Variants in EXT1 observed in about 807,000 individuals in gnomAD.
EXT1 encodes exostosin-1.
Under a neutral mutation model 82.5 loss-of-function variants are expected in EXT1, and 20 were observed. The observed-to-expected ratio is 0.24, with a 90% CI of 0.17 to 0.35. The LOEUF is 0.35. EXT1 is among the 10% of genes least tolerant of loss of function. The pLI, the probability that EXT1 is intolerant of heterozygous loss-of-function variation, is 1.00. For missense variants in EXT1, 757 were observed against 936.5 expected, an observed-to-expected ratio of 0.81 and a Z score of 2.50; for synonymous variants, 348 against 350.8, an observed-to-expected ratio of 0.99 and a Z score of 0.09.
chr8:118,022,093 C>T (rs1816113157), intron 1 of EXT1, among the ~76,000 whole-genome samples: 1 of 152,032 alleles, frequency 6.6e-6, no homozygotes, highest in Non-Finnish European at 1.5e-5. Flanking sequence ...AAGCATTTTC[C>T]TTCATTTCAG....
At chr8:117,815,120 C>G (rs983211472) in intron 7 of EXT1, among the ~76,000 whole-genome samples, 1 of 152,200 alleles carries the variant, frequency 6.6e-6, no homozygotes, top group African/African-American at 2.4e-5. Context: ...AATTCTCAGC[C>G]TGAAGCAATC....
chr8:117,828,859 T>A (rs1291589646), intron 4 of EXT1, among the ~76,000 whole-genome samples: 1 of 151,770 alleles, frequency 6.6e-6, no homozygotes, highest in Non-Finnish European at 1.5e-5. Context: ...CGCCCTAGGG[T>A]GGGAGCAGGA....
chr8:117,906,121 C>T (rs1327840230), intron 1 of EXT1, among the ~76,000 whole-genome samples: 1 of 152,170 alleles, frequency 6.6e-6, no homozygotes, highest in Non-Finnish European at 1.5e-5. Context: ...TTCTATCCCT[C>T]GTATTTCTTA....
rs573836454 is a variant in EXT1, at chr8:118,098,245, G to A, written c.962+11840C>T. Among the ~76,000 whole-genome samples the A allele has an allele frequency of 8.4e-4, 128 of 152,242 alleles. 1 individual carries two copies. The highest frequency in any genetic ancestry group is 2.9e-3 in the African/African-American group (120 of 41,538). Reference sequence around the variant, plus strand: ...TGCTACACGTCCAAGCTAGGCCCCCGCTAGGAGTGTGAAATGCCCAACATA... The same window carrying A: ...TGCTACACGTCCAAGCTAGGCCCCCACTAGGAGTGTGAAATGCCCAACATA... On this transcript the variant is annotated intron_variant, in intron 1 of 10. Transcript: ENST00000378204.
chr8:117,841,817 A>G (rs1232625283), intron 1 of EXT1, among the ~76,000 whole-genome samples: 2 of 152,210 alleles, frequency 1.3e-5, no homozygotes, highest in Non-Finnish European at 1.5e-5. Context: ...CACCCCATTT[A>G]AAATGGACTA....
At chr8:117,937,656 T>C (rs1814193288) in intron 1 of EXT1, among the ~76,000 whole-genome samples, 1 of 152,246 alleles carries the variant, frequency 6.6e-6, no homozygotes, top group African/African-American at 2.4e-5. Context: ...TGTAAGGTTT[T>C]TCCCCTGTAT....
intron 1 of EXT1, among the ~76,000 whole-genome samples, chr8:118,071,607 A>T (rs1205254784): frequency 6.6e-6 from 1 of 152,164 alleles, no homozygotes; most frequent in East Asian, 1.9e-4. Context: ...AAATAGCTCA[A>T]TTGGAAGATG....
chr8:117,933,175 T>C (rs1814093746), intron 1 of EXT1, among the ~76,000 whole-genome samples: 1 of 152,094 alleles, frequency 6.6e-6, no homozygotes. Context: ...GTTTCTAGCA[T>C]TCATGGAACT....
At chr8:117,898,354 G>C (rs1157127942) in intron 1 of EXT1, among the ~76,000 whole-genome samples, 1 of 152,212 alleles carries the variant, frequency 6.6e-6, no homozygotes, top group African/African-American at 2.4e-5. Context: ...GGCAAGGCCA[G>C]CCTGGGGATG....
chr8:117,854,307 C>T (rs1812504215), intron 1 of EXT1, among the ~76,000 whole-genome samples: 1 of 151,814 alleles, frequency 6.6e-6, no homozygotes, highest in African/African-American at 2.4e-5. Context: ...AGGACCTACC[C>T]AGGGACCTCC....
At chr8:117,963,929 T>C (rs920965226) in intron 1 of EXT1, among the ~76,000 whole-genome samples, 1 of 152,218 alleles carries the variant, frequency 6.6e-6, no homozygotes, top group Non-Finnish European at 1.5e-5. Context: ...TTTTATTACA[T>C]GCAACCCACA....
intron 1 of EXT1, among the ~76,000 whole-genome samples, chr8:117,924,585 C>T (rs921163948): frequency 1.3e-5 from 2 of 152,072 alleles, no homozygotes; most frequent in African/African-American, 2.4e-5. Context: ...CATCATCGTG[C>T]GACTTCAGAG....
chr8:117,945,292 G>A (rs529898342), intron 1 of EXT1, among the ~76,000 whole-genome samples: 4 of 152,196 alleles, frequency 2.6e-5, no homozygotes, highest in Non-Finnish European at 5.9e-5. Flanking sequence ...GCCCATGCTT[G>A]TAACCCCTGT....
chr8:118,087,369 A>G (rs147501935), intron 1 of EXT1, among the ~76,000 whole-genome samples: 168 of 152,298 alleles, frequency 1.1e-3, no homozygotes, highest in Admixed American at 2.4e-3. Flanking sequence ...TTCAGATTGG[A>G]GGTACAGTTT....
intron 1 of EXT1, among the ~76,000 whole-genome samples, chr8:118,016,158 G>C (rs763590543): frequency 1.3e-5 from 2 of 152,188 alleles, no homozygotes; most frequent in Non-Finnish European, 2.9e-5. Context: ...TTGGGAAGCC[G>C]AGGTGGGCAG....
chr8:118,069,383 C>T (rs1227863828), intron 1 of EXT1, among the ~76,000 whole-genome samples: 1 of 152,198 alleles, frequency 6.6e-6, no homozygotes, highest in Non-Finnish European at 1.5e-5. Context: ...AGTACCCCGT[C>T]TATTCCTCTT....
At chr8:118,044,892 C>G (rs960034522) in intron 1 of EXT1, among the ~76,000 whole-genome samples, 1 of 152,228 alleles carries the variant, frequency 6.6e-6, no homozygotes, top group Non-Finnish European at 1.5e-5. Flanking sequence ...TCTACAGCTG[C>G]TATCCTCTTA....
At chr8:117,847,447 C>A (rs1029660840) in intron 1 of EXT1, among the ~76,000 whole-genome samples, 3 of 151,780 alleles carry the variant, frequency 2.0e-5, no homozygotes, top group African/African-American at 7.2e-5. Context: ...TCTCCCTGCA[C>A]GCTGATGAGG....
At chr8:118,109,773 C>T (rs1817860406) in intron 1 of EXT1, among the ~76,000 whole-genome samples, 1 of 152,160 alleles carries the variant, frequency 6.6e-6, no homozygotes, top group Non-Finnish European at 1.5e-5. Context: ...AATGCAGTTA[C>T]TAAACTTGGA....
Sources: allele counts gnomAD v4.1 joint callset (sites outside exome capture counted in the v4.1 genomes callset), GRCh38; gene constraint gnomAD v4.1.1; transcripts MANE v1.5; gene names NCBI Gene and HGNC (gene_info 2026-07-23, HGNC 2026-07-21).